Variants in GPR143 observed in about 807,000 individuals in gnomAD.
GPR143 encodes G-protein coupled receptor 143.
In GPR143, 8 loss-of-function variants were observed where a neutral mutation model predicts 27.6. The ratio of observed to expected loss-of-function variants is 0.29; its 90% confidence interval spans 0.17 to 0.52. The LOEUF (loss-of-function observed/expected upper bound fraction) is 0.52, where lower values mean the gene tolerates loss of function less well. Among genes scored for constraint, GPR143 ranks in the 20% least tolerant of loss-of-function variants. GPR143 has a pLI of 0.96. For synonymous variants in GPR143, 156 were observed against 153.2 expected (o/e 1.02, Z -0.13); for missense variants, 303 against 343.1 (o/e 0.88, Z 0.92).
chrX:9,774,599 C>G (rs1262467848), intron 1 of GPR143, among the ~76,000 whole-genome samples: 1 of 107,870 alleles, frequency 9.3e-6, no homozygotes, highest in Non-Finnish European at 1.9e-5. Context: ...GCAACTGAGA[C>G]TGAAGGAAAT....
chrX:9,761,433 C>T (rs2083500099), intron 1 of GPR143, among the ~76,000 whole-genome samples: 1 of 112,313 alleles, frequency 8.9e-6, no homozygotes, highest in Non-Finnish European at 1.9e-5. Flanking sequence ...CAAACGCAGG[C>T]ACTTTAACGC....
chrX:9,769,934 A>G (rs1318408572), upstream of GPR143, among the ~76,000 whole-genome samples: 1 of 110,795 alleles, frequency 9.0e-6, no homozygotes, highest in Non-Finnish European at 1.9e-5. Context: ...GGCAGGCACT[A>G]TGCTTTGAAT....
In GPR143 at chrX:9,765,837, G is replaced by C. The variant is rs965615037; in HGVS notation, c.-20C>G. 19 of 1,066,327 alleles carry C rather than the reference G, an allele frequency of 1.8e-5. No homozygotes were observed. The African/African-American group carries it at 3.5e-4, about 19-fold the overall frequency. The allele number at this position is 1,066,327 out of a possible 1,213,427, so 87.9% of individuals were successfully genotyped here. A position where few individuals can be genotyped will look rare whatever the true frequency, so the allele number is the denominator to read the frequency against. On this transcript the variant is annotated 5_prime_UTR_variant, in exon 1 of 9. Coordinates refer to ENST00000467482, the MANE Select transcript of GPR143 (RefSeq NM_000273.3). ...GGCCATGGGCTGTGTTCGCGGACGC[G>C]GCTCGGGTGTGCCAGGACCCCGCCG...
intron 8 of GPR143, among the ~76,000 whole-genome samples, chrX:9,728,460 G>A (rs1198349618): frequency 4.7e-5 from 5 of 106,270 alleles, no homozygotes; most frequent in Non-Finnish European, 7.7e-5. Context: ...GACATCAGGA[G>A]AGATGTACTT....
chrX:9,758,009 C>T (rs2083480344), intron 3 of GPR143, among the ~76,000 whole-genome samples: 1 of 111,093 alleles, frequency 9.0e-6, no homozygotes, highest in African/African-American at 3.3e-5. Flanking sequence ...AGCAGTCCTC[C>T]TGCTTCAGCA....
chrX:9,743,742 T>G, intron 5 of GPR143, 69 bp from the exon 6 acceptor site: 2 of 676,696 alleles, frequency 3.0e-6, no homozygotes, highest in Non-Finnish European at 4.9e-6. Flanking sequence ...GAGAAGGCAA[T>G]GGAAGCAGGT....
chrX:9,777,862 G>C (rs776987864), intron 1 of GPR143, among the ~76,000 whole-genome samples: 1 of 109,103 alleles, frequency 9.2e-6, no homozygotes, highest in African/African-American at 3.3e-5. Context: ...AGGCCGAGGC[G>C]GGAGGATCAT....
intron 2 of GPR143, 73 bp downstream of exon 2, chrX:9,760,644 C>A: frequency 1.7e-6 from 1 of 580,516 alleles, no homozygotes; most frequent in Admixed American, 2.6e-5. Flanking sequence ...TAACAGACTC[C>A]CAGGGTTTGC....
At chrX:9,774,633 C>T (rs1412811365) in intron 1 of GPR143, among the ~76,000 whole-genome samples, 1 of 40,192 alleles carries the variant, frequency 2.5e-5, no homozygotes, top group Admixed American at 2.4e-4. Flanking sequence ...AAGGAGGACT[C>T]CATCCTGGGG....
At chrX:9,768,668 T>C (rs750957794), upstream of GPR143, among the ~76,000 whole-genome samples, 4 of 109,177 alleles carry the variant, frequency 3.7e-5, no homozygotes, top group South Asian at 1.5e-3. Context: ...TGAACTGAGA[T>C]GACAAACTTT....
intron 8 of GPR143, among the ~76,000 whole-genome samples, chrX:9,730,779 G>A (rs187999181): frequency 1.5e-3 from 173 of 112,109 alleles, no homozygotes; most frequent in African/African-American, 5.5e-3. Context: ...GCCTTGAAAG[G>A]CAGCCACTGA....
At chrX:9,728,639 TAA>T (rs57462205) in intron 8 of GPR143, among the ~76,000 whole-genome samples, 167 of 19,155 alleles carry the variant, frequency 8.7e-3, no homozygotes, top group African/African-American at 0.017. Context: ...CCCTATCTCT[TAA>T]AAAAAAAAAA....
intron 5 of GPR143, among the ~76,000 whole-genome samples, chrX:9,744,711 A>G (rs1695741533): frequency 8.9e-6 from 1 of 112,387 alleles, no homozygotes; most frequent in Non-Finnish European, 1.9e-5. Flanking sequence ...TCTCAAAAAA[A>G]TAAAAATAGT....
Position 9,726,014 on chromosome X carries a change from G to T in GPR143, c.1121-174C>A, listed in dbSNP as rs763761437. ...AAAAAAAAAAAAAAAAAGGTGGGAG[G>T]GGTGGAAATCTACATCAACTTTCCA... On this transcript the variant is annotated intron_variant, in intron 8 of 8. Coordinates refer to ENST00000467482, the MANE Select transcript of GPR143 (RefSeq NM_000273.3). 1.1e-5 allele frequency: 8 copies of T among 710,457 alleles called. No individual in the cohort carries two copies. In the East Asian group the frequency reaches 1.1e-3, roughly 98 times the overall value. 58.5% of individuals were successfully genotyped at this position (710,457 alleles called of 1,213,427 possible). A position where few individuals can be genotyped will look rare whatever the true frequency, so the allele number is the denominator to read the frequency against.
At chrX:9,735,767 C>T (rs772207004) in intron 8 of GPR143, among the ~76,000 whole-genome samples, 4 of 111,581 alleles carry the variant, frequency 3.6e-5, no homozygotes, top group Non-Finnish European at 5.6e-5. Flanking sequence ...TAGTGAAACC[C>T]GAAGCAGTAG....
At chrX:9,751,237 C>T (rs1375441009) in intron 3 of GPR143, among the ~76,000 whole-genome samples, 1 of 112,351 alleles carries the variant, frequency 8.9e-6, no homozygotes, top group Non-Finnish European at 1.9e-5. Context: ...GGCAGGCTGG[C>T]CGTCCCCGCC....
chrX:9,727,982 G>T (rs2283697), intron 8 of GPR143, among the ~76,000 whole-genome samples: 1,379 of 112,583 alleles, frequency 0.012, 19 homozygotes, highest in African/African-American at 0.037. Context: ...GTTCATTAAG[G>T]TCTCAATTCT....
chrX:9,741,388 C>T lies in GPR143; in HGVS notation c.835G>A (p.Gly279Ser), dbSNP rs2083403420. 2 of 1,158,063 alleles carry T rather than the reference C, an allele frequency of 1.7e-6. No homozygotes were observed. Among genetic ancestry groups the T allele is most frequent in the Non-Finnish European group, 2.4e-6 (2 of 848,763 alleles). The part of the protein sequence containing the change: ...YLEMQTDING[G>S]SLKPVRTAAK... ...GCAGTTCTGACAGGTTTCAAAGAAC[C>T]TCCATTGATATCTGTTTGCATCTCA... The change falls in exon 7 of 9, where the codon GGT (glycine) becomes AGT (serine). Residue 279 changes from glycine (G) to serine (S), a missense_variant. By Grantham distance (56) the Gly-to-Ser change is moderately conservative. Coordinates refer to ENST00000467482, the MANE Select transcript of GPR143 (RefSeq NM_000273.3).
chrX:9,750,651 C>A (rs2083447593), intron 3 of GPR143, among the ~76,000 whole-genome samples: 1 of 111,214 alleles, frequency 9.0e-6, no homozygotes, highest in Non-Finnish European at 1.9e-5. Context: ...GCAACCTCCA[C>A]CTCCCGGGTT....
Sources: gnomAD v4.1 joint callset for allele counts (sites outside exome capture counted in the v4.1 genomes callset) on GRCh38, gnomAD v4.1.1 for gene constraint, MANE v1.5 for transcripts, NCBI Gene and HGNC (gene_info 2026-07-23, HGNC 2026-07-21) for gene names.